The following SEMA3A variants were observed in gnomAD, a reference collection of about 807,000 sequenced individuals.
The protein encoded by SEMA3A is semaphorin-3A.
In SEMA3A, 29 loss-of-function variants were observed where a neutral mutation model predicts 97.9. That is an observed-to-expected ratio of 0.30 (90% CI 0.22 to 0.40). SEMA3A has a LOEUF of 0.40. SEMA3A is among the 10% of genes least tolerant of loss of function. The pLI is 1.00. For synonymous variants in SEMA3A, 321 were observed against 323.7 expected (o/e 0.99, Z 0.09); for missense variants, 763 against 951.3 (o/e 0.80, Z 2.60).
chr7:84,014,652 C>T (rs1271475257), intron 6 of SEMA3A, among the ~76,000 whole-genome samples: 3 of 152,070 alleles, frequency 2.0e-5, no homozygotes, highest in Admixed American at 6.5e-5. Context: ...AAATATTTTG[C>T]AAACTATAAG....
chr7:84,095,351 T>TATATACACATA (rs1485887699), intron 4 of SEMA3A, among the ~76,000 whole-genome samples: 5 of 29,626 alleles, frequency 1.7e-4, no homozygotes, highest in African/African-American at 4.9e-4. Flanking sequence ...TTTATATTTT[T>TATATACACATA]TATATACATA....
intron 3 of SEMA3A, among the ~76,000 whole-genome samples, chr7:84,221,991 C>T (rs1234963254): frequency 2.0e-5 from 3 of 151,672 alleles, no homozygotes; most frequent in Admixed American, 2.0e-4. Flanking sequence ...CATAATAAAA[C>T]AAGATACGCC....
Position 84,134,847 on chromosome 7 carries a change from C to T in SEMA3A, c.217G>A (p.Ala73Thr). Residue 73 changes from alanine to threonine, a missense_variant, in exon 2 of 17, where the codon GCA (alanine) becomes ACA (threonine). Coordinates refer to ENST00000265362, the MANE Select transcript of SEMA3A (RefSeq NM_006080.3). ...TCGAATGAAAATATGTGATCCTTTGCTCCAACATACAGCCTACTCCGTTCC... is the reference window on the plus strand; with the variant it reads ...TCGAATGAAAATATGTGATCCTTTGTTCCAACATACAGCCTACTCCGTTCC... ...DEERSRLYVG[A>T]KDHIFSFDLV... is the part of the protein sequence containing the mutation. 1 of 1,613,612 alleles carries T rather than the reference C, an allele frequency of 6.2e-7. No homozygotes were observed.
intron 6 of SEMA3A, among the ~76,000 whole-genome samples, chr7:84,029,745 A>G (rs1444202533): frequency 6.6e-6 from 1 of 151,894 alleles, no homozygotes; most frequent in Non-Finnish European, 1.5e-5. Context: ...TCAGAAAATA[A>G]TCTCTAGGAA....
At chr7:84,044,460 T>C (rs1030359460) in intron 6 of SEMA3A, among the ~76,000 whole-genome samples, 2 of 152,054 alleles carry the variant, frequency 1.3e-5, no homozygotes, top group African/African-American at 2.4e-5. Context: ...TAGGCATCAT[T>C]AGCATTTTAA....
At chr7:84,287,073 G>T (rs572117382) in intron 3 of SEMA3A, among the ~76,000 whole-genome samples, 1 of 151,992 alleles carries the variant, frequency 6.6e-6, no homozygotes, top group Non-Finnish European at 1.5e-5. Flanking sequence ...TTTATCTCTT[G>T]ATGAAAGTAA....
intron 3 of SEMA3A, among the ~76,000 whole-genome samples, chr7:84,289,887 A>C (rs1287353024): frequency 6.6e-6 from 1 of 152,174 alleles, no homozygotes; most frequent in Non-Finnish European, 1.5e-5. Context: ...TGATTGATAA[A>C]TGGTGTATAA....
At chr7:84,380,705 T>G (rs555027855) in intron 1 of SEMA3A, among the ~76,000 whole-genome samples, 1 of 152,326 alleles carries the variant, frequency 6.6e-6, no homozygotes, top group African/African-American at 2.4e-5. Context: ...TTAACTAAAA[T>G]CAAGGAGTCA....
At chr7:84,239,269 G>A (rs1799306497) in intron 3 of SEMA3A, among the ~76,000 whole-genome samples, 1 of 152,012 alleles carries the variant, frequency 6.6e-6, no homozygotes, top group African/African-American at 2.4e-5. Context: ...TTCTCATAAG[G>A]AAATTATTTT....
At chr7:84,341,344 T>A (rs1802162192) in intron 2 of SEMA3A, among the ~76,000 whole-genome samples, 1 of 152,192 alleles carries the variant, frequency 6.6e-6, no homozygotes, top group Non-Finnish European at 1.5e-5. Context: ...CTCTGTATGT[T>A]TGTTTTATCA....
chr7:84,101,028 C>T lies in SEMA3A; in HGVS notation c.453+9442G>A, dbSNP rs115597222. ...CCTGTAGGAGAATCATGGTGCAATG[C>T]TGAGACTGAACACAAGGATACAGCT... On this transcript the variant is annotated intron_variant, in intron 4 of 16. Coordinates refer to ENST00000265362, the MANE Select transcript of SEMA3A (RefSeq NM_006080.3). 8.5e-3 allele frequency among the ~76,000 whole-genome samples: 1,299 copies of T among 152,280 alleles called. 23 individuals are homozygous for T. The highest frequency in any genetic ancestry group is 0.03 in the African/African-American group (1,234 of 41,570).
intron 2 of SEMA3A, among the ~76,000 whole-genome samples, chr7:84,362,857 C>G (rs607120): frequency 0.29 from 43,605 of 151,794 alleles, 6,746 homozygotes; most frequent in African/African-American, 0.38. Context: ...GGCTACTCCA[C>G]AGTAGGACTG....
intron 6 of SEMA3A, among the ~76,000 whole-genome samples, chr7:84,037,136 A>G (rs923693791): frequency 6.7e-6 from 1 of 150,282 alleles, no homozygotes; most frequent in Non-Finnish European, 1.5e-5. Context: ...GATTCCTTCC[A>G]AACAGCTAAG....
chr7:84,011,872 T>C (rs1790893653), intron 7 of SEMA3A, among the ~76,000 whole-genome samples: 1 of 152,140 alleles, frequency 6.6e-6, no homozygotes, highest in Admixed American at 6.5e-5. Flanking sequence ...ATTTATATAA[T>C]CATAATTGTC....
chr7:84,316,219 G>A (rs1801497880), intron 2 of SEMA3A, among the ~76,000 whole-genome samples: 1 of 145,058 alleles, frequency 6.9e-6, no homozygotes, highest in Non-Finnish European at 1.5e-5. Flanking sequence ...TAATTTGAGA[G>A]AAGTTAACTG....
intron 14 of SEMA3A, among the ~76,000 whole-genome samples, chr7:83,980,635 T>TATAG: frequency 9.6e-6 from 1 of 104,282 alleles, no homozygotes; most frequent in African/African-American, 3.7e-5. Flanking sequence ...TATATATATA[T>TATAG]ATATACACAC....
intron 1 of SEMA3A, among the ~76,000 whole-genome samples, chr7:84,403,496 A>T (rs1025984440): frequency 6.6e-6 from 1 of 152,310 alleles, no homozygotes; most frequent in African/African-American, 2.4e-5. Flanking sequence ...AAAAGATAGC[A>T]ATAACCTCTG....
intron 2 of SEMA3A, among the ~76,000 whole-genome samples, chr7:84,310,634 C>T (rs940929132): frequency 6.6e-5 from 10 of 151,948 alleles, no homozygotes; most frequent in Admixed American, 2.6e-4. Flanking sequence ...CTAGTTCTTA[C>T]GGGGCCGTAC....
upstream of SEMA3A, among the ~76,000 whole-genome samples, chr7:84,197,514 T>C (rs887602999): frequency 1.3e-5 from 2 of 152,158 alleles, no homozygotes; most frequent in Non-Finnish European, 2.9e-5. Context: ...ATATTTCTAC[T>C]GCCTTCTCAT....
Sources: allele counts gnomAD v4.1 joint callset (sites outside exome capture counted in the v4.1 genomes callset), GRCh38; gene constraint gnomAD v4.1.1; transcripts MANE v1.5; gene names NCBI Gene and HGNC (gene_info 2026-07-23, HGNC 2026-07-21).